Variants in TLN2 observed in about 807,000 individuals in gnomAD.
The protein encoded by TLN2 is talin 2, also known as talin-2.
TLN2 carries 118 observed loss-of-function variants against 294.7 expected under a neutral mutation model. The observed-to-expected ratio is 0.40, with a 90% CI of 0.34 to 0.47. The LOEUF is 0.47. TLN2 is among the 20% of genes least tolerant of loss of function. The pLI is 0.84. For synonymous variants in TLN2, 1,431 were observed against 1,304.5 expected (o/e 1.10, Z -2.09); for missense variants, 3,083 against 3,282.2 (o/e 0.94, Z 1.48).
chr15:62,712,226 T>A, intron 22 of TLN2, 149 bp downstream of exon 22: 1 of 978,806 alleles, frequency 1.0e-6, no homozygotes, highest in Non-Finnish European at 1.4e-6. Flanking sequence ...CCTGTTCTTG[T>A]GGCAAAGGCG....
At chr15:62,760,273 G>C (rs1762871804) in intron 37 of TLN2, among the ~76,000 whole-genome samples, 1 of 152,184 alleles carries the variant, frequency 6.6e-6, no homozygotes, top group Non-Finnish European at 1.5e-5. Flanking sequence ...TATTAGCATT[G>C]TGGGTATGTA....
intron 22 of TLN2, among the ~76,000 whole-genome samples, chr15:62,712,725 A>AGT (rs72282237): frequency 0.067 from 10,102 of 149,990 alleles, 553 homozygotes; most frequent in African/African-American, 0.15. Context: ...GGTAGGACTC[A>AGT]GTGTGTGTGT....
intron 3 of TLN2, among the ~76,000 whole-genome samples, chr15:62,631,564 T>TTCCTTTC (rs2049866460): frequency 6.8e-6 from 1 of 146,766 alleles, no homozygotes; most frequent in African/African-American, 2.6e-5. Context: ...TTCCTTTCCT[T>TTCCTTTC]TCCTTTCCTT....
chr15:62,403,939 A>G (rs1444658234), intron 1 of TLN2, among the ~76,000 whole-genome samples: 1 of 152,198 alleles, frequency 6.6e-6, no homozygotes, highest in African/African-American at 2.4e-5. Context: ...TATAAGCTCC[A>G]GAAGAGAAAT....
At chr15:62,804,388 AGGAGTTTGAGCCCAGC>A (rs988267132) in intron 50 of TLN2, among the ~76,000 whole-genome samples, 1 of 152,174 alleles carries the variant, frequency 6.6e-6, no homozygotes, top group African/African-American at 2.4e-5. Flanking sequence ...GCTTGAGCCC[AGGAGTTTGAGCCCAGC>A]CTGGGCAACA....
chr15:62,595,733 A>AAGGAAATT (rs1352128284), intron 2 of TLN2, among the ~76,000 whole-genome samples: 2 of 152,230 alleles, frequency 1.3e-5, no homozygotes, highest in African/African-American at 2.4e-5. Context: ...TTCAGCCTTC[A>AAGGAAATT]AGGAAATTGT....
At chr15:62,551,541 C>T (rs558583478) in intron 1 of TLN2, among the ~76,000 whole-genome samples, 1 of 142,616 alleles carries the variant, frequency 7.0e-6, no homozygotes, top group South Asian at 2.2e-4. Flanking sequence ...CACACACACA[C>T]ACACACAAAT....
In TLN2 at chr15:62,784,032, C is replaced by T. The variant is rs958195414; in HGVS notation, c.5736+142C>T. Reference sequence around the variant, plus strand: ...AGTTTATTTCCCCACCACTGCACAGCACAGGTCCAGACCAGGTAGCCCCAG... The same window carrying T: ...AGTTTATTTCCCCACCACTGCACAGTACAGGTCCAGACCAGGTAGCCCCAG... On this transcript the variant is annotated intron_variant, in intron 45 of 58. Coordinates refer to ENST00000636159, the MANE Select transcript of TLN2 (RefSeq NM_015059.3). The T allele has an allele frequency of 7.0e-6, 10 of 1,421,710 alleles. No individual in the cohort carries two copies. The African/African-American group carries it at 1.1e-4, about 16-fold the overall frequency. 88.1% of individuals were successfully genotyped at this position (1,421,710 alleles called of 1,614,324 possible).
At chr15:62,500,524 A>G (rs1013854802) in intron 1 of TLN2, among the ~76,000 whole-genome samples, 3 of 152,184 alleles carry the variant, frequency 2.0e-5, no homozygotes, top group African/African-American at 7.2e-5. Context: ...TGTTTAAACT[A>G]AGTTCCAGAT....
At chr15:62,396,580 C>T (rs910943112) in intron 1 of TLN2, among the ~76,000 whole-genome samples, 1 of 152,284 alleles carries the variant, frequency 6.6e-6, no homozygotes, top group East Asian at 1.9e-4. Context: ...AACTGTTTCC[C>T]TCTGCCCCAG....
chr15:62,467,939 G>A (rs1442864056), intron 1 of TLN2, among the ~76,000 whole-genome samples: 1 of 152,108 alleles, frequency 6.6e-6, no homozygotes, highest in African/African-American at 2.4e-5. Context: ...GAGCAGAAAA[G>A]ACACATCCTT....
intron 54 of TLN2, among the ~76,000 whole-genome samples, chr15:62,825,949 T>G (rs1344108867): frequency 9.9e-5 from 14 of 140,856 alleles, no homozygotes; most frequent in African/African-American, 3.6e-4. Context: ...TCGATTGAAC[T>G]TGGGAGGCGG....
At position 62,686,781 on chromosome 15, in the gene TLN2, C is replaced by T. The variant is rs1349436591; in HGVS notation, c.1098C>T (p.Pro366=). 2.5e-6 allele frequency: 4 copies of T among 1,613,060 alleles called. No individual in the cohort carries two copies. The Admixed American group carries it at 6.7e-5, about 27-fold the overall frequency. The stretch of plus-strand genomic sequence containing the variant: ...CCGTCAAGCGCTGGGCAGCCTCACC[C>T]AAGAGCTTCACACTGGTAGGGACTG... The part of the protein sequence containing the change: ...LTTVKRWAAS[P]KSFTLDFGEY... The change falls in exon 12 of 59, where the codon CCC becomes CCT. Residue 366 remains proline, a synonymous_variant. Coordinates refer to ENST00000636159, the MANE Select transcript of TLN2 (RefSeq NM_015059.3).
chr15:62,502,687 C>T (rs867821007), intron 1 of TLN2, among the ~76,000 whole-genome samples: 2 of 152,064 alleles, frequency 1.3e-5, no homozygotes, highest in South Asian at 4.2e-4. Flanking sequence ...GGAGAGGAGA[C>T]GGGGCGTCAT....
At position 62,736,892 on chromosome 15, in the gene TLN2, G is replaced by A. The variant is rs529946809; in HGVS notation, c.3373G>A (p.Glu1125Lys). 6.2e-7 allele frequency: 1 copy of A among 1,613,938 alleles called. No homozygotes were observed. The highest frequency in any genetic ancestry group is 8.5e-7 in the Non-Finnish European group (1 of 1,179,990). The change falls in exon 29 of 59, where the codon GAG (glutamate) becomes AAG (lysine). Residue 1125 changes from glutamate to lysine, a missense_variant. Physicochemically the swap from Glu to Lys is moderately conservative, Grantham distance 56. Coordinates refer to ENST00000636159, the MANE Select transcript of TLN2 (RefSeq NM_015059.3). Reference sequence around the variant, plus strand: ...TTTTCCCCCAGGGGTGGCTGCTAGAGAGACGGCCCAAGCTCTGAAAACACT... The same window carrying A: ...TTTTCCCCCAGGGGTGGCTGCTAGAAAGACGGCCCAAGCTCTGAAAACACT... ...NEHYTGVAAR[E>K]TAQALKTLAQ...
chr15:62,505,623 A>G lies in TLN2; in HGVS notation c.-237-84064A>G, dbSNP rs539617150. 1.7e-4 allele frequency among the ~76,000 whole-genome samples: 26 copies of G among 152,282 alleles called. 1 individual carries two copies. The South Asian group carries it at 4.8e-3, about 28-fold the overall frequency. On this transcript the variant is annotated intron_variant, in intron 1 of 58. Transcript: ENST00000636159. ...AGTGTTTCCTGGACTTCTCAGAACTACAACGTTGGCTCTGTCTTACGCACA... is the reference window on the plus strand; with the variant it reads ...AGTGTTTCCTGGACTTCTCAGAACTGCAACGTTGGCTCTGTCTTACGCACA...
Position 62,833,632 on chromosome 15 carries a change from G to A in TLN2, c.7128+3G>A, listed in dbSNP as rs1881621043. ...GGGAGCTGGTGGCCCAAGGAAAGGT[G>A]GGTAAAGCCGCTGACCACATGCGGG... On this transcript the variant is annotated splice_donor_region_variant and intron_variant, in intron 55 of 58. Coordinates refer to ENST00000636159, the MANE Select transcript of TLN2 (RefSeq NM_015059.3). 2 of 1,613,676 alleles carry A rather than the reference G, an allele frequency of 1.2e-6. No homozygotes were observed. The highest frequency in any genetic ancestry group is 8.5e-7 in the Non-Finnish European group (1 of 1,179,904).
At chr15:62,774,407 A>G (rs761764742) in intron 42 of TLN2, among the ~76,000 whole-genome samples, 1 of 152,174 alleles carries the variant, frequency 6.6e-6, no homozygotes, top group Non-Finnish European at 1.5e-5. Context: ...GCCACTTATG[A>G]GATTGCTGTC....
intron 8 of TLN2, 116 bp downstream of exon 8, chr15:62,656,202 C>A: frequency 7.5e-7 from 1 of 1,325,580 alleles, no homozygotes; most frequent in Non-Finnish European, 1.0e-6. Flanking sequence ...GGCGTCGTTT[C>A]CAGCAGGCGC....
Sources: gnomAD v4.1 joint callset for allele counts (sites outside exome capture counted in the v4.1 genomes callset) on GRCh38, gnomAD v4.1.1 for gene constraint, MANE v1.5 for transcripts, NCBI Gene and HGNC (gene_info 2026-07-23, HGNC 2026-07-21) for gene names.